The following RORA variants were observed in gnomAD, a reference collection of about 807,000 sequenced individuals.
RORA encodes nuclear receptor ROR-alpha.
In RORA, 7 loss-of-function variants were observed where a neutral mutation model predicts 69.5. The observed-to-expected ratio is 0.10, with a 90% CI of 0.06 to 0.19. The LOEUF (loss-of-function observed/expected upper bound fraction) is 0.19, where lower values mean the gene tolerates loss of function less well. RORA is among the 10% of genes least tolerant of loss of function. The probability of loss-of-function intolerance (pLI) is 1.00; values close to 1 mark genes in which losing one functional copy is unlikely to be tolerated. For synonymous variants in RORA, 261 were observed against 240.8 expected, an observed-to-expected ratio of 1.08 and a Z score of -0.78; for missense variants, 457 against 663.0, an observed-to-expected ratio of 0.69 and a Z score of 3.41.
intron 1 of RORA, among the ~76,000 whole-genome samples, chr15:60,946,985 C>T (rs989599155): frequency 1.3e-5 from 2 of 151,264 alleles, no homozygotes; most frequent in Admixed American, 6.6e-5. Flanking sequence ...GGAGCCCCTC[C>T]GTCCGGCAGC....
chr15:60,779,436 G>A lies in RORA; in HGVS notation c.167-100750C>T, dbSNP rs575170788. Among the ~76,000 whole-genome samples the A allele has an allele frequency of 3.3e-5, 5 of 152,286 alleles. No individual in the cohort carries two copies. In the East Asian group the frequency reaches 9.7e-4, roughly 29 times the overall value. The stretch of plus-strand genomic sequence containing the variant: ...CTCTCCATAAGACTCCCTGAATGGA[G>A]GCTTGGGTTTTACCGGCCCAGCCCT... On this transcript the variant is annotated intron_variant, in intron 1 of 10. Transcript: ENST00000335670.
chr15:60,844,943 C>G lies in RORA; in HGVS notation c.167-166257G>C, dbSNP rs2073245542. On this transcript the variant is annotated intron_variant, in intron 1 of 10. Transcript: ENST00000335670. ...GTTTGTGGCCAATGAGCCGTCTAAA[C>G]AAAAATATCCCTGGTAGGCATCAGT... Among the ~76,000 whole-genome samples, 8 of 152,226 alleles carry G rather than the reference C, an allele frequency of 5.3e-5. No homozygotes were observed. The South Asian group carries it at 1.7e-3, about 32-fold the overall frequency.
chr15:60,883,712 T>C (rs535244129), intron 1 of RORA, among the ~76,000 whole-genome samples: 6 of 152,368 alleles, frequency 3.9e-5, no homozygotes, highest in South Asian at 2.1e-4. Context: ...AATAAGCATG[T>C]GCTACTTTTA....
intron 1 of RORA, among the ~76,000 whole-genome samples, chr15:60,996,656 A>T (rs1894548309): frequency 6.6e-6 from 1 of 152,154 alleles, no homozygotes; most frequent in African/African-American, 2.4e-5. Context: ...CACACCTGTA[A>T]TCCCAGCACT....
intron 1 of RORA, among the ~76,000 whole-genome samples, chr15:60,704,835 G>A (rs1348887445): frequency 6.6e-6 from 1 of 152,076 alleles, no homozygotes; most frequent in African/African-American, 2.4e-5. Flanking sequence ...AGTGCTCCAC[G>A]TTTGCACCCC....
chr15:61,176,946 TG>T (rs2079634354), intron 1 of RORA, among the ~76,000 whole-genome samples: 1 of 152,196 alleles, frequency 6.6e-6, no homozygotes, highest in African/African-American at 2.4e-5. Flanking sequence ...GAACATTCAC[TG>T]CCCTACCTAC....
intron 1 of RORA, among the ~76,000 whole-genome samples, chr15:60,946,852 G>A (rs1892895327): frequency 6.6e-6 from 1 of 151,740 alleles, no homozygotes; most frequent in African/African-American, 2.4e-5. Flanking sequence ...CCCATCGTCT[G>A]AGATGTGGGG....
At chr15:60,859,402 CCTTGGGACCT>C (rs2073413859) in intron 1 of RORA, among the ~76,000 whole-genome samples, 1 of 110,700 alleles carries the variant, frequency 9.0e-6, no homozygotes, top group African/African-American at 3.5e-5. Flanking sequence ...GACCTTGGGA[CCTTGGGACCT>C]TGTGAGAAGT....
At chr15:60,715,344 G>C (rs546484290) in intron 1 of RORA, among the ~76,000 whole-genome samples, 7 of 152,342 alleles carry the variant, frequency 4.6e-5, no homozygotes, top group African/African-American at 1.7e-4. Flanking sequence ...TGAACACAAT[G>C]ATGTGGCACA....
chr15:60,532,047 C>T (rs1009864829), intron 2 of RORA, among the ~76,000 whole-genome samples, 196 bp from the exon 3 acceptor site: 3 of 152,122 alleles, frequency 2.0e-5, no homozygotes, highest in South Asian at 2.1e-4. Flanking sequence ...TAATAGCTTT[C>T]GGGTTATTAA....
At chr15:61,052,493 G>C (rs1037137220) in intron 1 of RORA, among the ~76,000 whole-genome samples, 5 of 152,158 alleles carry the variant, frequency 3.3e-5, no homozygotes, top group African/African-American at 1.2e-4. Context: ...ATGGCTATGT[G>C]TTTTCCGTAA....
At chr15:61,100,196 T>C (rs1165205029) in intron 1 of RORA, among the ~76,000 whole-genome samples, 1 of 146,846 alleles carries the variant, frequency 6.8e-6, no homozygotes, top group Admixed American at 7.0e-5. Flanking sequence ...CTCGGCTCAC[T>C]GCAGCCTCCG....
At chr15:60,709,132 G>A (rs571171755) in intron 1 of RORA, among the ~76,000 whole-genome samples, 34 of 152,270 alleles carry the variant, frequency 2.2e-4, no homozygotes, top group South Asian at 4.1e-4. Flanking sequence ...AGAAAGATCC[G>A]TGGTGGGATT....
chr15:61,041,183 A>G (rs1896749661), intron 1 of RORA: 2 of 152,258 alleles, frequency 1.3e-5, no homozygotes, highest in Admixed American at 1.3e-4. Context: ...TGTCATCACT[A>G]CACACATCCC....
At position 60,750,468 on chromosome 15, in the gene RORA, A is replaced by G. The variant is rs114972516; in HGVS notation, c.167-71782T>C. On this transcript the variant is annotated intron_variant, in intron 1 of 10. Transcript: ENST00000335670. ...TCCCTTTTAAAATTTCAGTTTCAAT[A>G]TATTTTTGCAAGCATATTTTTGTCC... 3.4e-3 allele frequency among the ~76,000 whole-genome samples: 518 copies of G among 152,346 alleles called. 2 individuals are homozygous for G. The highest frequency in any genetic ancestry group is 0.012 in the African/African-American group (494 of 41,578).
chr15:61,134,640 C>A (rs2140850799), intron 1 of RORA, among the ~76,000 whole-genome samples: 1 of 152,284 alleles, frequency 6.6e-6, no homozygotes, highest in Admixed American at 6.5e-5. Context: ...TTGATTTATT[C>A]AAACACAAAT....
At chr15:61,140,810 T>C (rs560826034) in intron 1 of RORA, among the ~76,000 whole-genome samples, 1 of 152,220 alleles carries the variant, frequency 6.6e-6, no homozygotes, top group South Asian at 2.1e-4. Context: ...GAAGAAACTA[T>C]TGTACCTTCA....
intron 1 of RORA, among the ~76,000 whole-genome samples, chr15:60,789,917 T>G (rs1235795771): frequency 6.6e-6 from 1 of 152,208 alleles, no homozygotes; most frequent in Non-Finnish European, 1.5e-5. Context: ...GCCCAGTCTG[T>G]GATAGGCACA....
intron 1 of RORA, chr15:60,841,059 A>G: frequency 1.0e-6 from 1 of 982,704 alleles, no homozygotes; most frequent in Non-Finnish European, 1.2e-6. Context: ...AAAAACATTC[A>G]GCGTACTTAC....
Sources: allele counts gnomAD v4.1 joint callset (sites outside exome capture counted in the v4.1 genomes callset), GRCh38; gene constraint gnomAD v4.1.1; transcripts MANE v1.5; gene names NCBI Gene and HGNC (gene_info 2026-07-23, HGNC 2026-07-21).